GPC5: variants seen among roughly 807,000 people sequenced by gnomAD.
GPC5 encodes glypican 5, also known as glypican-5.
In GPC5, 47 loss-of-function variants were observed where a neutral mutation model predicts 53.9. The observed-to-expected ratio is 0.87, with a 90% CI of 0.69 to 1.11. The LOEUF is 1.11. Ranked by LOEUF, GPC5 falls within the 50% of genes most tolerant of loss-of-function variation. GPC5 has a pLI of 0.00. For synonymous variants in GPC5, 286 were observed against 263.3 expected (o/e 1.09, Z -0.84); for missense variants, 748 against 713.1 (o/e 1.05, Z -0.56).
At chr13:91,533,006 T>C (rs1886420995) in intron 2 of GPC5, among the ~76,000 whole-genome samples, 2 of 152,182 alleles carry the variant, frequency 1.3e-5, no homozygotes, top group Non-Finnish European at 2.9e-5. Flanking sequence ...GGAGAAAGGA[T>C]GTATAAGTGT....
At chr13:91,937,198 T>C (rs2039879162) in intron 6 of GPC5, among the ~76,000 whole-genome samples, 1 of 152,072 alleles carries the variant, frequency 6.6e-6, no homozygotes, top group Admixed American at 6.6e-5. Context: ...CAACCACTCA[T>C]GTAAAGGTGT....
chr13:92,624,080 ATT>A (rs35437038), intron 7 of GPC5, among the ~76,000 whole-genome samples: 1 of 138,960 alleles, frequency 7.2e-6, no homozygotes. Context: ...CAGGCTGGTA[ATT>A]TTTTTTTTTT....
chr13:92,128,159 T>C (rs1442212219), intron 6 of GPC5, among the ~76,000 whole-genome samples: 2 of 152,354 alleles, frequency 1.3e-5, no homozygotes, highest in Admixed American at 6.5e-5. Context: ...TGATAATAGA[T>C]GCTGGTATCC....
chr13:91,650,772 T>C (rs1220682681), intron 2 of GPC5, among the ~76,000 whole-genome samples: 1 of 127,004 alleles, frequency 7.9e-6, no homozygotes. Flanking sequence ...TTTTTTTTTT[T>C]AGCACAGAAG....
intron 7 of GPC5, among the ~76,000 whole-genome samples, chr13:92,147,328 C>G (rs1326922748): frequency 6.6e-6 from 1 of 151,714 alleles, no homozygotes; most frequent in Non-Finnish European, 1.5e-5. Context: ...AATTGCATGG[C>G]CATCTAAATA....
At chr13:92,105,541 A>G (rs2041503242) in intron 6 of GPC5, among the ~76,000 whole-genome samples, 2 of 152,064 alleles carry the variant, frequency 1.3e-5, no homozygotes, top group South Asian at 2.1e-4. Flanking sequence ...TTAGAATACC[A>G]GATACTTTTC....
At chr13:91,417,559 A>G (rs754682524) in intron 1 of GPC5, among the ~76,000 whole-genome samples, 1 of 152,122 alleles carries the variant, frequency 6.6e-6, no homozygotes, top group African/African-American at 2.4e-5. Flanking sequence ...CAAAAGGAGG[A>G]GTACACTAAG....
intron 7 of GPC5, among the ~76,000 whole-genome samples, chr13:92,404,745 C>T (rs1875719832): frequency 6.7e-6 from 1 of 149,518 alleles, no homozygotes; most frequent in Non-Finnish European, 1.5e-5. Context: ...TTGACAGAGT[C>T]CAGTGTTTTT....
At chr13:92,128,668 T>G (rs1594774544) in intron 6 of GPC5, among the ~76,000 whole-genome samples, 2 of 152,246 alleles carry the variant, frequency 1.3e-5, no homozygotes, top group Admixed American at 1.3e-4. Context: ...TGCTTTTAAT[T>G]TAAGAAGTAA....
At chr13:92,146,509 T>C (rs1327290813) in intron 7 of GPC5, among the ~76,000 whole-genome samples, 1 of 152,144 alleles carries the variant, frequency 6.6e-6, no homozygotes, top group Non-Finnish European at 1.5e-5. Context: ...GGTTTTATTT[T>C]ATTATTTTTT....
At chr13:91,517,061 G>A (rs908614489) in intron 2 of GPC5, among the ~76,000 whole-genome samples, 1 of 152,146 alleles carries the variant, frequency 6.6e-6, no homozygotes, top group Non-Finnish European at 1.5e-5. Flanking sequence ...TGATGGGAGA[G>A]GCTGCCTTGA....
chr13:91,682,746 G>A lies in GPC5; in HGVS notation c.326-10441G>A, dbSNP rs998071410. ...TGAAAGAATCACTAGTCACCATGCT[G>A]CATTTTATTTCAATTGAATCTCACA... On this transcript the variant is annotated intron_variant, in intron 2 of 7. Coordinates refer to ENST00000377067, the MANE Select transcript of GPC5 (RefSeq NM_004466.6). 3.3e-5 allele frequency among the ~76,000 whole-genome samples: 5 copies of A among 152,150 alleles called. 1 individual carries two copies. Among genetic ancestry groups the A allele is most frequent in the Admixed American group, 1.3e-4 (2 of 15,254 alleles).
At chr13:91,717,334 G>T (rs1245089092) in intron 3 of GPC5, among the ~76,000 whole-genome samples, 1 of 152,166 alleles carries the variant, frequency 6.6e-6, no homozygotes, top group African/African-American at 2.4e-5. Flanking sequence ...CAAAGGCTTT[G>T]GTTCAGAGCA....
At chr13:92,116,288 G>A (rs2138936025) in intron 6 of GPC5, among the ~76,000 whole-genome samples, 1 of 151,542 alleles carries the variant, frequency 6.6e-6, no homozygotes, top group East Asian at 1.9e-4. Flanking sequence ...AAAAAACAGT[G>A]CAGGCACTTA....
intron 7 of GPC5, among the ~76,000 whole-genome samples, chr13:92,692,600 C>A (rs1887433638): frequency 6.6e-6 from 1 of 150,930 alleles, no homozygotes; most frequent in Admixed American, 6.6e-5. Context: ...TTAGTGGGTG[C>A]AGTACACCAG....
intron 5 of GPC5, among the ~76,000 whole-genome samples, chr13:91,891,227 T>C (rs558674606): frequency 1.3e-5 from 2 of 152,308 alleles, no homozygotes; most frequent in Non-Finnish European, 2.9e-5. Context: ...CAACTTTTTC[T>C]GTCTACATTG....
At chr13:92,402,591 C>T (rs1283023547) in intron 7 of GPC5, among the ~76,000 whole-genome samples, 2 of 152,164 alleles carry the variant, frequency 1.3e-5, no homozygotes, top group Non-Finnish European at 2.9e-5. Flanking sequence ...GCTGTTCTGC[C>T]TCAGAACATC....
intron 7 of GPC5, among the ~76,000 whole-genome samples, chr13:92,488,043 C>CT (rs774868211): frequency 6.6e-6 from 1 of 151,850 alleles, no homozygotes; most frequent in Non-Finnish European, 1.5e-5. Flanking sequence ...AATATTTGCT[C>CT]TTTTCTTCAT....
chr13:92,391,837 C>G (rs1331741668), intron 7 of GPC5, among the ~76,000 whole-genome samples: 2 of 152,020 alleles, frequency 1.3e-5, no homozygotes, highest in Non-Finnish European at 2.9e-5. Context: ...TCTAGAAGGT[C>G]ATGTCTGGAA....
Sources: gnomAD v4.1 joint callset for allele counts (sites outside exome capture counted in the v4.1 genomes callset) on GRCh38, gnomAD v4.1.1 for gene constraint, MANE v1.5 for transcripts, NCBI Gene and HGNC (gene_info 2026-07-23, HGNC 2026-07-21) for gene names.